The following UPF3B variants were observed in gnomAD, a reference collection of about 807,000 sequenced individuals.
UPF3B encodes the protein UPF3B regulator of nonsense mediated mRNA decay.
UPF3B carries 7 observed loss-of-function variants against 40.3 expected under a neutral mutation model. The ratio of observed to expected loss-of-function variants is 0.17; its 90% CI spans 0.10 to 0.33. The LOEUF is 0.33. Ranked by LOEUF, UPF3B falls within the 10% of genes least tolerant of loss-of-function variation. The pLI is 1.00. For synonymous variants in UPF3B, 117 were observed against 117.3 expected (o/e 1.00, Z 0.01); for missense variants, 229 against 358.9 (o/e 0.64, Z 2.93).
downstream of UPF3B, chrX:119,831,870 G>GA (rs2056040891): frequency 1.0e-5 from 2 of 200,333 alleles, no homozygotes; most frequent in South Asian, 4.7e-4. Context: ...AGTCATTTAA[G>GA]ACCATAAATA....
intron 3 of UPF3B, chrX:119,823,073 C>A: frequency 1.4e-6 from 1 of 713,084 alleles, no homozygotes. Context: ...GTTACTGTTA[C>A]AACAATGCTA....
chrX:119,835,413 T>C (rs2056080963), intron 10 of UPF3B, among the ~76,000 whole-genome samples: 1 of 111,421 alleles, frequency 9.0e-6, no homozygotes, highest in Non-Finnish European at 1.9e-5. Context: ...TTTTACATTG[T>C]TAGTACAAAC....
chrX:119,844,938 T>C (rs1384837236), intron 4 of UPF3B, among the ~76,000 whole-genome samples: 1 of 112,298 alleles, frequency 8.9e-6, no homozygotes. Context: ...CCTATGGTGA[T>C]TTGTTACTCA....
At chrX:119,822,965 C>A in exon 4 of UPF3B, 1 of 915,305 alleles carries the variant, frequency 1.1e-6, no homozygotes, top group South Asian at 2.8e-5. Flanking sequence ...ACTGCTGAAT[C>A]TCCAGACTTG....
intron 5 of UPF3B, among the ~76,000 whole-genome samples, chrX:119,811,894 G>A (rs111762232): frequency 0.045 from 4,956 of 111,008 alleles, 106 homozygotes; most frequent in East Asian, 0.15. Context: ...CAAGGCTGCA[G>A]TGAGCCGTGA....
chrX:119,813,138 G>A (rs1008102718), intron 5 of UPF3B, among the ~76,000 whole-genome samples: 1 of 111,836 alleles, frequency 8.9e-6, no homozygotes, highest in Non-Finnish European at 1.9e-5. Context: ...ACGTCAGGAA[G>A]GGCTGGCAGA....
intron 3 of UPF3B, among the ~76,000 whole-genome samples, chrX:119,846,518 AAAAAAAGAAAAAG>A (rs1312260960): frequency 9.3e-6 from 1 of 107,185 alleles, no homozygotes; most frequent in Non-Finnish European, 1.9e-5. Context: ...AAAAAAAAAA[AAAAAAAGAAAAAG>A]AAAAAAGAAA....
chrX:119,833,372 C>A (rs1485780206), downstream of UPF3B, among the ~76,000 whole-genome samples: 1 of 111,814 alleles, frequency 8.9e-6, no homozygotes, highest in African/African-American at 3.2e-5. Flanking sequence ...CACGGTCTCA[C>A]TTTGTAACCA....
Position 119,834,592 on chromosome X carries a change from C to T in UPF3B, c.*286G>A. 1 of 1,006,597 alleles carries T rather than the reference C, an allele frequency of 9.9e-7. No homozygotes were observed. The highest frequency in any genetic ancestry group is 1.3e-6 in the Non-Finnish European group (1 of 793,105). The allele number at this position is 1,006,597 out of a possible 1,213,427, so 83.0% of individuals were successfully genotyped here. A position where few individuals can be genotyped will look rare whatever the true frequency, so the allele number is the denominator to read the frequency against. ...CGTGTCATATGTGATGAAGTCCTCA[C>T]TTGACAATTCCCCCTGCAAATTGCA... On this transcript the variant is annotated 3_prime_UTR_variant, in exon 11 of 11. Transcript: ENST00000276201.
At chrX:119,841,561 C>A (rs2056161524) in intron 6 of UPF3B, among the ~76,000 whole-genome samples, 174 bp downstream of exon 6, 1 of 112,270 alleles carries the variant, frequency 8.9e-6, no homozygotes, top group Admixed American at 9.5e-5. Flanking sequence ...CCTGGTCCAA[C>A]AACCAGAGTG....
intron 5 of UPF3B, among the ~76,000 whole-genome samples, chrX:119,812,947 G>A (rs945984454): frequency 1.8e-5 from 2 of 110,766 alleles, no homozygotes; most frequent in African/African-American, 6.6e-5. Context: ...TCTGTGGCAC[G>A]GGACATTGTC....
At chrX:119,807,576 A>G in exon 6 of UPF3B, 1 of 814,241 alleles carries the variant, frequency 1.2e-6, no homozygotes, top group Non-Finnish European at 1.5e-6. Flanking sequence ...TCATCCCTGG[A>G]TGATCCTGAA....
chrX:119,838,611 T>A lies in UPF3B; in HGVS notation c.847-84A>T, dbSNP rs1603370202. ...AACCCAGTATACCAAATATTTAAAA[T>A]TTAGACTAGACAAAGCCCCCTATCT... On this transcript the variant is annotated intron_variant, in intron 8 of 10. Transcript: ENST00000276201. The A allele has an allele frequency of 1.4e-5, 14 of 996,127 alleles. No individual in the cohort carries two copies. The East Asian group carries it at 4.3e-4, about 30-fold the overall frequency. The allele number at this position is 996,127 out of a possible 1,213,427, so 82.1% of individuals were successfully genotyped here. A position where few individuals can be genotyped will look rare whatever the true frequency, so the allele number is the denominator to read the frequency against.
At chrX:119,842,975 T>C (rs150270305) in intron 5 of UPF3B, among the ~76,000 whole-genome samples, 53 of 112,484 alleles carry the variant, frequency 4.7e-4, no homozygotes, top group African/African-American at 1.6e-3. Context: ...TGTATTTATA[T>C]TACATTTGTG....
chrX:119,849,885 C>A (rs899880733), intron 3 of UPF3B, among the ~76,000 whole-genome samples: 1 of 110,412 alleles, frequency 9.1e-6, no homozygotes, highest in Non-Finnish European at 1.9e-5. Context: ...TAAAAAAAAA[C>A]AATAAAATCC....
At chrX:119,830,212 A>T (rs2056021904), downstream of UPF3B, among the ~76,000 whole-genome samples, 1 of 111,488 alleles carries the variant, frequency 9.0e-6, no homozygotes, top group Non-Finnish European at 1.9e-5. Context: ...TTTGTTCTTA[A>T]GGGACCAGAA....
chrX:119,814,106 C>T (rs1296878194), intron 5 of UPF3B, among the ~76,000 whole-genome samples: 1 of 111,995 alleles, frequency 8.9e-6, no homozygotes, highest in African/African-American at 3.2e-5. Context: ...CTACACTTAA[C>T]TTCATACTTG....
intron 6 of UPF3B, among the ~76,000 whole-genome samples, chrX:119,806,341 G>A (rs1395448452): frequency 7.3e-5 from 6 of 82,032 alleles, no homozygotes; most frequent in Non-Finnish European, 1.4e-4. Context: ...GGTGGGGTTG[G>A]GGGAGGGGGG....
rs780617359 is a variant in UPF3B, at chrX:119,812,572, C to T, written c.602+2628G>A. 8.4e-4 allele frequency among the ~76,000 whole-genome samples: 94 copies of T among 111,755 alleles called. 1 individual carries two copies. The highest frequency in any genetic ancestry group is 2.9e-3 in the African/African-American group (88 of 30,875). The stretch of plus-strand genomic sequence containing the variant: ...CTGGCCACTCCTCTTCCTTGAAACA[C>T]TTTTCTCTTAGATTAAGTAACCCAG... On this transcript the variant is annotated intron_variant, in intron 5 of 6. Transcript: ENST00000636792.
Sources: gnomAD v4.1 joint callset for allele counts (sites outside exome capture counted in the v4.1 genomes callset) on GRCh38, gnomAD v4.1.1 for gene constraint, MANE v1.5 for transcripts, NCBI Gene and HGNC (gene_info 2026-07-23, HGNC 2026-07-21) for gene names.